NLGN1: variants seen among roughly 807,000 people sequenced by gnomAD.
NLGN1 encodes neuroligin 1, also known as neuroligin-1.
In NLGN1, 12 loss-of-function variants were observed where a neutral mutation model predicts 65.5. That is an observed-to-expected ratio of 0.18 (90% CI 0.12 to 0.30). The LOEUF (loss-of-function observed/expected upper bound fraction) is 0.30, where lower values mean the gene tolerates loss of function less well. NLGN1 is among the 10% of genes least tolerant of loss of function. The pLI, the probability that NLGN1 is intolerant of heterozygous loss-of-function variation, is 1.00. For missense variants in NLGN1, 750 were observed against 1,007.1 expected (o/e 0.74, Z 3.46); for synonymous variants, 350 against 359.5 (o/e 0.97, Z 0.30).
At chr3:174,065,567 G>A (rs979361911) in intron 4 of NLGN1, among the ~76,000 whole-genome samples, 2 of 151,990 alleles carry the variant, frequency 1.3e-5, no homozygotes, top group African/African-American at 4.8e-5. Context: ...AGCCTGCTTC[G>A]AAAATACGTC....
At chr3:174,008,532 C>G (rs1353592455) in intron 4 of NLGN1, among the ~76,000 whole-genome samples, 1 of 152,014 alleles carries the variant, frequency 6.6e-6, no homozygotes, top group African/African-American at 2.4e-5. Flanking sequence ...AAACACAAAG[C>G]AAGAGTACCT....
exon 3 of NLGN1, chr3:173,605,032 A>T: frequency 6.2e-7 from 1 of 1,613,356 alleles, no homozygotes; most frequent in African/African-American, 1.3e-5. Flanking sequence ...GTTTCATCAT[A>T]TGTGCAAGAC....
At chr3:173,859,927 ACTTTAAAAAATGTGTGCT>A (rs1317425884) in intron 4 of NLGN1, among the ~76,000 whole-genome samples, 2 of 151,874 alleles carry the variant, frequency 1.3e-5, no homozygotes, top group Non-Finnish European at 2.9e-5. Flanking sequence ...TTTATTTCTA[ACTTTAAAAAATGTGTGCT>A]CTCTTATTTT....
chr3:174,173,821 C>T (rs889346383), intron 4 of NLGN1, among the ~76,000 whole-genome samples: 7 of 151,750 alleles, frequency 4.6e-5, no homozygotes, highest in Admixed American at 4.0e-4. Context: ...TAATTTCTTT[C>T]TTTCTTTCTT....
chr3:173,674,404 G>GTAA (rs1199469948), intron 3 of NLGN1, among the ~76,000 whole-genome samples: 2 of 152,084 alleles, frequency 1.3e-5, no homozygotes, highest in African/African-American at 4.8e-5. Context: ...TGAGGAGACT[G>GTAA]AGGCTTAGGG....
At chr3:174,274,842 A>C (rs1337865967) in intron 4 of NLGN1, among the ~76,000 whole-genome samples, 1 of 151,774 alleles carries the variant, frequency 6.6e-6, no homozygotes, top group East Asian at 1.9e-4. Flanking sequence ...AGTCTTACAG[A>C]AATACCCGCC....
intron 1 of NLGN1, among the ~76,000 whole-genome samples, chr3:173,423,535 T>C (rs1306352386): frequency 1.3e-5 from 2 of 151,986 alleles, no homozygotes; most frequent in Admixed American, 6.5e-5. Flanking sequence ...TTGGGAAAAA[T>C]TGACCAAAAA....
At chr3:174,046,599 A>C (rs1053209535) in intron 4 of NLGN1, among the ~76,000 whole-genome samples, 6 of 152,138 alleles carry the variant, frequency 3.9e-5, no homozygotes, top group Admixed American at 3.9e-4. Context: ...TGTGCTTAGA[A>C]GGAATAAAGA....
At chr3:173,744,112 A>G (rs190980209) in intron 3 of NLGN1, among the ~76,000 whole-genome samples, 1 of 152,252 alleles carries the variant, frequency 6.6e-6, no homozygotes, top group East Asian at 1.9e-4. Context: ...CAAACTAATC[A>G]ACATTTATAT....
At chr3:174,037,777 A>G (rs1731456365) in intron 4 of NLGN1, among the ~76,000 whole-genome samples, 1 of 152,188 alleles carries the variant, frequency 6.6e-6, no homozygotes. Context: ...ACACATGGAA[A>G]GAGAAATTAA....
At chr3:174,163,569 C>T (rs1232533569) in intron 4 of NLGN1, among the ~76,000 whole-genome samples, 1 of 151,960 alleles carries the variant, frequency 6.6e-6, no homozygotes, top group Admixed American at 6.6e-5. Flanking sequence ...GTTTTTCAAC[C>T]CTTGCTTTCC....
chr3:173,762,547 T>C (rs1261047182), intron 3 of NLGN1, among the ~76,000 whole-genome samples: 2 of 152,100 alleles, frequency 1.3e-5, no homozygotes, highest in Non-Finnish European at 2.9e-5. Context: ...GGGGAAATAA[T>C]GTACTTCCAA....
At chr3:173,777,553 A>G (rs906682159) in intron 3 of NLGN1, among the ~76,000 whole-genome samples, 1 of 151,860 alleles carries the variant, frequency 6.6e-6, no homozygotes, top group East Asian at 1.9e-4. Flanking sequence ...GAAATATGCA[A>G]TACATTATTA....
intron 4 of NLGN1, among the ~76,000 whole-genome samples, chr3:173,871,138 G>T (rs1321601685): frequency 6.6e-6 from 1 of 152,112 alleles, no homozygotes; most frequent in African/African-American, 2.4e-5. Context: ...AGAGTTTCTG[G>T]GCTGCTGAAC....
intron 4 of NLGN1, among the ~76,000 whole-genome samples, chr3:173,882,931 C>T (rs1439076399): frequency 1.3e-5 from 2 of 150,034 alleles, no homozygotes; most frequent in Admixed American, 6.7e-5. Context: ...ATGTGTGACT[C>T]TTCATTCCAC....
At chr3:174,119,109 C>T (rs1717203169) in intron 4 of NLGN1, among the ~76,000 whole-genome samples, 1 of 152,002 alleles carries the variant, frequency 6.6e-6, no homozygotes, top group Admixed American at 6.6e-5. Flanking sequence ...TAATACATGT[C>T]TTTTATTGAA....
intron 4 of NLGN1, among the ~76,000 whole-genome samples, chr3:174,025,907 A>G (rs895167148): frequency 2.6e-5 from 4 of 152,296 alleles, no homozygotes; most frequent in African/African-American, 9.6e-5. Context: ...TGTAGAAAAT[A>G]CTTATAAGAG....
chr3:174,152,605 C>A (rs546064379), intron 4 of NLGN1, among the ~76,000 whole-genome samples: 3 of 151,804 alleles, frequency 2.0e-5, no homozygotes, highest in Non-Finnish European at 4.4e-5. Context: ...TGTAACAAAC[C>A]TGCACGCTGT....
At chr3:173,672,967 C>T (rs1762649625) in intron 3 of NLGN1, among the ~76,000 whole-genome samples, 1 of 152,010 alleles carries the variant, frequency 6.6e-6, no homozygotes, top group South Asian at 2.1e-4. Flanking sequence ...CAATTGCTCT[C>T]TCAGAGTAAA....
Sources: gnomAD v4.1 joint callset for allele counts (sites outside exome capture counted in the v4.1 genomes callset) on GRCh38, gnomAD v4.1.1 for gene constraint, MANE v1.5 for transcripts, NCBI Gene and HGNC (gene_info 2026-07-23, HGNC 2026-07-21) for gene names.